MPP7: variants seen among roughly 807,000 people sequenced by gnomAD.
MPP7 encodes the protein MAGUK p55 subfamily member 7.
MPP7 carries 60 observed loss-of-function variants against 76.5 expected under a neutral mutation model. The ratio of observed to expected loss-of-function variants is 0.78; its 90% CI spans 0.64 to 0.97. MPP7 has a LOEUF of 0.97. Among genes scored for constraint, MPP7 ranks in the 50% least tolerant of loss-of-function variants. The pLI is 0.00. For synonymous variants in MPP7, 237 were observed against 244.5 expected (o/e 0.97, Z 0.29); for missense variants, 641 against 694.0 (o/e 0.92, Z 0.86).
intron 11 of MPP7, among the ~76,000 whole-genome samples, chr10:28,093,962 T>C (rs190573805): frequency 1.8e-4 from 28 of 152,336 alleles, no homozygotes; most frequent in Non-Finnish European, 4.0e-4. Flanking sequence ...AAAACCCTAC[T>C]ATTATTCCTG....
chr10:28,093,581 G>C (rs1003813474), intron 11 of MPP7, among the ~76,000 whole-genome samples: 5 of 151,828 alleles, frequency 3.3e-5, no homozygotes, highest in African/African-American at 1.2e-4. Flanking sequence ...TGAGTAGCTG[G>C]GACTACAGAC....
In MPP7 at chr10:28,119,469, C is replaced by T. The variant is rs1228416305; in HGVS notation, c.952+182G>A. On this transcript the variant is annotated intron_variant, in intron 11 of 16. Coordinates refer to ENST00000683449, the MANE Select transcript of MPP7 (RefSeq NM_001318170.2). ...TATTAACAACCTCAACCACCCCTTTCCTCAAAAGATTCATGTTAATATTCC... is the reference window on the plus strand; with the variant it reads ...TATTAACAACCTCAACCACCCCTTTTCTCAAAAGATTCATGTTAATATTCC... Among the ~76,000 whole-genome samples the T allele has an allele frequency of 2.0e-5, 3 of 152,104 alleles. No homozygotes were observed. In the East Asian group the frequency reaches 5.8e-4, roughly 29 times the overall value.
rs145992498 is a variant in MPP7 at position 28,069,396 on chromosome 10, A to G, written c.1204+376T>C. Among the ~76,000 whole-genome samples, 1,163 of 152,224 alleles carry G rather than the reference A, an allele frequency of 7.6e-3. 48 individuals are homozygous for G. The East Asian group carries it at 0.11, about 15-fold the overall frequency. On this transcript the variant is annotated intron_variant, in intron 13 of 16. Transcript: ENST00000683449. Reference sequence around the variant, plus strand: ...GAGGCAGGTGGATCACAAGGTCAAGAGATCAAGACCATCCTGGCCAACATA... The same window carrying G: ...GAGGCAGGTGGATCACAAGGTCAAGGGATCAAGACCATCCTGGCCAACATA...
At chr10:28,317,890 G>A (rs1047888061) in intron 2 of MPP7, among the ~76,000 whole-genome samples, 6 of 152,142 alleles carry the variant, frequency 3.9e-5, no homozygotes, top group East Asian at 3.9e-4. Context: ...ATGCTGCTTC[G>A]ATTAGAGCAA....
intron 3 of MPP7, among the ~76,000 whole-genome samples, chr10:28,174,430 T>C (rs565781639): frequency 1.4e-3 from 206 of 152,306 alleles, no homozygotes; most frequent in Middle Eastern, 3.4e-3. Context: ...CTCCTCTCTC[T>C]TTCTTGCTCC....
chr10:28,086,461 G>T (rs1159799818), intron 12 of MPP7, among the ~76,000 whole-genome samples: 1 of 152,168 alleles, frequency 6.6e-6, no homozygotes, highest in East Asian at 1.9e-4. Context: ...CTTTACTGAT[G>T]ATTTCAGCCA....
chr10:28,240,238 AC>A (rs1173842909), intron 1 of MPP7, among the ~76,000 whole-genome samples: 1 of 152,162 alleles, frequency 6.6e-6, no homozygotes, highest in Non-Finnish European at 1.5e-5. Context: ...CAACAAAAAA[AC>A]ATTGGAAACA....
intron 1 of MPP7, among the ~76,000 whole-genome samples, chr10:28,249,902 T>C (rs1402118494): frequency 1.3e-5 from 2 of 152,184 alleles, no homozygotes; most frequent in African/African-American, 4.8e-5. Context: ...AATGATGTCC[T>C]CTTCAACTTT....
chr10:28,226,765 G>A (rs1359393416), intron 2 of MPP7, among the ~76,000 whole-genome samples: 3 of 151,890 alleles, frequency 2.0e-5, no homozygotes, highest in South Asian at 2.1e-4. Context: ...CATCATTAAC[G>A]GTTACACTCC....
intron 8 of MPP7, among the ~76,000 whole-genome samples, chr10:28,120,991 C>T (rs73606068): frequency 0.042 from 6,317 of 152,200 alleles, 269 homozygotes; most frequent in East Asian, 0.12. Flanking sequence ...CTTAAATAAA[C>T]ACAGTATTCA....
At chr10:28,300,985 TA>T (rs1457701716) in intron 1 of MPP7, among the ~76,000 whole-genome samples, 3 of 151,126 alleles carry the variant, frequency 2.0e-5, no homozygotes, top group Non-Finnish European at 4.4e-5. Flanking sequence ...CAGTAATCCA[TA>T]AGACATTTTC....
At position 28,193,215 on chromosome 10, in the gene MPP7, G is replaced by T. The variant is rs868705863; in HGVS notation, c.156+8938C>A. 6.7e-3 allele frequency among the ~76,000 whole-genome samples: 917 copies of T among 136,666 alleles called. 9 individuals carry two copies. The highest frequency in any genetic ancestry group is 0.023 in the African/African-American group (826 of 35,922). The allele number at this position is 136,666 out of a possible 152,430, so 89.7% of individuals were successfully genotyped here. A position where few individuals can be genotyped will look rare whatever the true frequency, so the allele number is the denominator to read the frequency against. On this transcript the variant is annotated intron_variant, in intron 3 of 16. Transcript: ENST00000683449. The stretch of plus-strand genomic sequence containing the variant: ...GGTTTTTTTGTTTGGTTGGTTTTTT[G>T]TTTTTTTTTTTTTTTGAGACGGAGT...
At chr10:28,127,126 A>G (rs1454470029) in intron 6 of MPP7, among the ~76,000 whole-genome samples, 1 of 152,164 alleles carries the variant, frequency 6.6e-6, no homozygotes, top group African/African-American at 2.4e-5. Flanking sequence ...AGTGGAACCA[A>G]TCTCTCTCTG....
At chr10:28,312,695 A>G (rs1016088228) in intron 2 of MPP7, among the ~76,000 whole-genome samples, 2 of 152,240 alleles carry the variant, frequency 1.3e-5, no homozygotes, top group Non-Finnish European at 2.9e-5. Context: ...ACATAGTGAG[A>G]TGAGTCATTC....
At chr10:28,299,521 A>C (rs957274239) in intron 1 of MPP7, among the ~76,000 whole-genome samples, 2 of 152,222 alleles carry the variant, frequency 1.3e-5, no homozygotes, top group Non-Finnish European at 1.5e-5. Context: ...CATAACAGAC[A>C]GAATAACAAT....
At chr10:28,168,642 C>T (rs74967521) in intron 3 of MPP7, among the ~76,000 whole-genome samples, 20,233 of 152,070 alleles carry the variant, frequency 0.13, 2,051 homozygotes, top group African/African-American at 0.28. Context: ...CCTCCACCTC[C>T]GGAGTAGCTG....
At chr10:28,296,894 A>C (rs557823712) in intron 1 of MPP7, among the ~76,000 whole-genome samples, 1 of 152,348 alleles carries the variant, frequency 6.6e-6, no homozygotes, top group South Asian at 2.1e-4. Flanking sequence ...GTAATCTAAG[A>C]AAGCAAAGCA....
chr10:28,092,980 T>G (rs1173840203), intron 11 of MPP7, among the ~76,000 whole-genome samples: 1 of 152,050 alleles, frequency 6.6e-6, no homozygotes, highest in African/African-American at 2.4e-5. Context: ...AAGGGTCTCT[T>G]TCTAATTGCA....
intron 2 of MPP7, among the ~76,000 whole-genome samples, chr10:28,225,535 CAA>C (rs1838659798): frequency 6.6e-6 from 1 of 152,064 alleles, no homozygotes; most frequent in Non-Finnish European, 1.5e-5. Flanking sequence ...CTAAAGAAGA[CAA>C]ATGGCTAAAA....
Sources: gnomAD v4.1 joint callset for allele counts (sites outside exome capture counted in the v4.1 genomes callset) on GRCh38, gnomAD v4.1.1 for gene constraint, MANE v1.5 for transcripts, NCBI Gene and HGNC (gene_info 2026-07-23, HGNC 2026-07-21) for gene names.